Variants in MSI2 observed in about 807,000 individuals in gnomAD.
The protein encoded by MSI2 is musashi RNA binding protein 2.
In MSI2, 17 loss-of-function variants were observed where a neutral mutation model predicts 45.6. That is an observed-to-expected ratio of 0.37 (90% CI 0.26 to 0.56). The LOEUF (loss-of-function observed/expected upper bound fraction) is 0.56, where lower values mean the gene tolerates loss of function less well. Among genes scored for constraint, MSI2 ranks in the 20% least tolerant of loss-of-function variants. The pLI is 0.77. For missense variants in MSI2, 293 were observed against 444.2 expected, an observed-to-expected ratio of 0.66 and a Z score of 3.06; for synonymous variants, 156 against 158.2, an observed-to-expected ratio of 0.99 and a Z score of 0.11.
At chr17:57,274,200 C>G (rs569966254) in intron 5 of MSI2, 2 of 152,228 alleles carry the variant, frequency 1.3e-5, no homozygotes, top group Non-Finnish European at 2.9e-5. Flanking sequence ...CCCCCCATCA[C>G]CCTGCATTTT....
chr17:57,482,097 A>G (rs1019570819), intron 6 of MSI2, among the ~76,000 whole-genome samples: 1 of 152,220 alleles, frequency 6.6e-6, no homozygotes, highest in Non-Finnish European at 1.5e-5. Context: ...CGGCCACATG[A>G]TAAATTGCCT....
At chr17:57,570,855 C>T (rs1461896783) in intron 7 of MSI2, among the ~76,000 whole-genome samples, 2 of 152,118 alleles carry the variant, frequency 1.3e-5, no homozygotes, top group Non-Finnish European at 2.9e-5. Flanking sequence ...CCTGGCAGGC[C>T]GATCTGGCAG....
the MSI2 span, among the ~76,000 whole-genome samples, chr17:57,696,798 A>G: frequency 6.6e-6 from 1 of 152,164 alleles, no homozygotes; most frequent in East Asian, 1.9e-4. Context: ...GCACTGGGGT[A>G]ATATGGATTT....
chr17:57,274,569 C>T (rs1908684047), intron 5 of MSI2: 1 of 152,216 alleles, frequency 6.6e-6, no homozygotes, highest in South Asian at 2.1e-4. Flanking sequence ...TGCTCCGTGC[C>T]TGCCTTACGT....
At chr17:57,341,578 C>A (rs1194160944) in intron 5 of MSI2, among the ~76,000 whole-genome samples, 2 of 152,190 alleles carry the variant, frequency 1.3e-5, no homozygotes, top group Non-Finnish European at 2.9e-5. Flanking sequence ...TCTTTCACTC[C>A]CTGGTACATT....
chr17:57,417,690 C>T (rs999720492), intron 6 of MSI2, among the ~76,000 whole-genome samples: 3 of 152,148 alleles, frequency 2.0e-5, no homozygotes, highest in African/African-American at 7.2e-5. Flanking sequence ...ATTATTGCCT[C>T]CCGGATGTGA....
chr17:57,701,381 T>C, the MSI2 span, among the ~76,000 whole-genome samples: 2 of 152,158 alleles, frequency 1.3e-5, no homozygotes, highest in Non-Finnish European at 2.9e-5. Context: ...AGTGGAGCCC[T>C]CATGAATAGG....
chr17:57,313,409 T>C (rs557954394), intron 5 of MSI2, among the ~76,000 whole-genome samples: 5 of 152,360 alleles, frequency 3.3e-5, no homozygotes, highest in Admixed American at 6.5e-5. Context: ...TTTCCCTTCC[T>C]GGTTTTGAAT....
At chr17:57,632,713 G>C (rs756211318) in intron 10 of MSI2, 47 of 1,065,764 alleles carry the variant, frequency 4.4e-5, no homozygotes, top group Admixed American at 1.1e-4. Context: ...CACTCTCTTG[G>C]AATAATGACG....
chr17:57,667,301 G>A (rs1457451531), intron 11 of MSI2, among the ~76,000 whole-genome samples: 7 of 152,126 alleles, frequency 4.6e-5, no homozygotes, highest in Non-Finnish European at 8.8e-5. Flanking sequence ...TTAAAACACC[G>A]CCTGCTTCAG....
chr17:57,674,925 T>C (rs373221405), intron 11 of MSI2, 47 bp from the exon 12 acceptor site: 1 of 1,609,508 alleles, frequency 6.2e-7, no homozygotes, highest in Non-Finnish European at 8.5e-7. Context: ...CAGTCCTGAA[T>C]AGCTACAGTG....
chr17:57,438,629 T>C (rs1237909781), intron 6 of MSI2, among the ~76,000 whole-genome samples: 1 of 152,062 alleles, frequency 6.6e-6, no homozygotes, highest in East Asian at 1.9e-4. Context: ...CACAGTTCAG[T>C]TAAGAAAATA....
chr17:57,673,617 A>C (rs1394412905), intron 11 of MSI2, among the ~76,000 whole-genome samples: 6 of 152,230 alleles, frequency 3.9e-5, no homozygotes, highest in African/African-American at 1.4e-4. Context: ...AAGAAAATAA[A>C]GTTTAAACTA....
chr17:57,295,815 A>G (rs1910872828), intron 5 of MSI2, among the ~76,000 whole-genome samples: 2 of 152,136 alleles, frequency 1.3e-5, no homozygotes, highest in South Asian at 4.1e-4. Context: ...TCCTCAGCGA[A>G]AAGAAGGGTC....
At chr17:57,497,247 G>A (rs1170605071) in intron 6 of MSI2, among the ~76,000 whole-genome samples, 1 of 152,220 alleles carries the variant, frequency 6.6e-6, no homozygotes, top group Non-Finnish European at 1.5e-5. Flanking sequence ...AAAGTGCTGG[G>A]ATTACAGGCA....
chr17:57,566,513 G>A (rs1190276042), intron 7 of MSI2, among the ~76,000 whole-genome samples: 1 of 152,132 alleles, frequency 6.6e-6, no homozygotes, highest in Non-Finnish European at 1.5e-5. Context: ...AGGCATTGGG[G>A]CCCGGTATTT....
At chr17:57,617,933 C>T (rs1406087132) in intron 9 of MSI2, among the ~76,000 whole-genome samples, 2 of 152,016 alleles carry the variant, frequency 1.3e-5, no homozygotes, top group African/African-American at 2.4e-5. Context: ...CAGCTGGGCA[C>T]TGCAGCACGT....
At chr17:57,477,715 C>G (rs1598313865) in intron 6 of MSI2, among the ~76,000 whole-genome samples, 1 of 152,266 alleles carries the variant, frequency 6.6e-6, no homozygotes, top group South Asian at 2.1e-4. Context: ...GTGCTAGGTG[C>G]TGGGGGTGGA....
At chr17:57,375,142 A>G (rs989266657) in intron 5 of MSI2, among the ~76,000 whole-genome samples, 1 of 152,224 alleles carries the variant, frequency 6.6e-6, no homozygotes. Context: ...AACATCCAGC[A>G]TGACTACATT....
Sources: gnomAD v4.1 joint callset for allele counts (sites outside exome capture counted in the v4.1 genomes callset) on GRCh38, gnomAD v4.1.1 for gene constraint, MANE v1.5 for transcripts, NCBI Gene and HGNC (gene_info 2026-07-23, HGNC 2026-07-21) for gene names.